The following ZNF829 variants were observed in gnomAD, a reference collection of about 807,000 sequenced individuals.
ZNF829 encodes the protein zinc finger protein 829.
A neutral mutation model predicts 35.2 loss-of-function variants in ZNF829; 25 were observed. The ratio of observed to expected loss-of-function variants is 0.71; its 90% CI spans 0.52 to 0.99. The LOEUF (loss-of-function observed/expected upper bound fraction) is 0.99, where lower values mean the gene tolerates loss of function less well. ZNF829 is among the 50% of genes least tolerant of loss of function. The pLI is 0.00. For synonymous variants in ZNF829, 136 were observed against 163.2 expected (o/e 0.83, Z 1.27); for missense variants, 417 against 515.3 (o/e 0.81, Z 1.85).
intron 2 of ZNF829, 25 bp downstream of exon 2, chr19:36,915,105 G>A: frequency 1.2e-6 from 2 of 1,614,088 alleles, no homozygotes; most frequent in South Asian, 2.2e-5. Flanking sequence ...TCAAGTAAGA[G>A]TTCTTCCCCA....
intron 4 of ZNF829, 60 bp downstream of exon 4, chr19:36,908,273 A>G (rs1362256018): frequency 4.5e-6 from 7 of 1,556,174 alleles, no homozygotes; most frequent in Admixed American, 3.9e-5. Flanking sequence ...ATAATTCACA[A>G]TGGAGAAAGG....
At chr19:36,900,613 T>A (rs1355286897) in intron 5 of ZNF829, among the ~76,000 whole-genome samples, 1 of 151,874 alleles carries the variant, frequency 6.6e-6, no homozygotes, top group Non-Finnish European at 1.5e-5. Flanking sequence ...TTTGGAGGGC[T>A]GAGGCAGGTG....
At chr19:36,893,882 G>T (rs551468488) in intron 5 of ZNF829, among the ~76,000 whole-genome samples, 9 of 152,042 alleles carry the variant, frequency 5.9e-5, no homozygotes, top group Non-Finnish European at 8.8e-5. Flanking sequence ...GTGATATTTG[G>T]TCTCACTTTG....
Position 36,891,319 on chromosome 19 carries a change from A to C in ZNF829, c.*173T>G, listed in dbSNP as rs944653911. The C allele has an allele frequency of 1.7e-6, 1 of 602,078 alleles. No homozygotes were observed. Among genetic ancestry groups the C allele is most frequent in the African/African-American group, 1.9e-5 (1 of 52,400 alleles). 37.3% of individuals were successfully genotyped at this position (602,078 alleles called of 1,614,324 possible). On this transcript the variant is annotated 3_prime_UTR_variant, in exon 6 of 6. Coordinates refer to ENST00000391711, the MANE Select transcript of ZNF829 (RefSeq NM_001037232.4). ...CCAGGCTCTAAACTATGAGAGAATA[A>C]ATTTCTCTTGTTTTAAGCCACCAAG...
At chr19:36,892,810 C>T (rs1378929488) in intron 5 of ZNF829, 1 of 725,418 alleles carries the variant, frequency 1.4e-6, no homozygotes, top group Admixed American at 4.2e-5. Flanking sequence ...TTTTTGCCCC[C>T]ACCCCAGATC....
intron 1 of ZNF829, 61 bp downstream of exon 1, chr19:36,915,950 G>C: frequency 6.5e-7 from 1 of 1,534,328 alleles, no homozygotes; most frequent in Non-Finnish European, 8.7e-7. Context: ...GCCCTTTCCA[G>C]TCATCCCGGA....
rs754780697 is a variant in ZNF829 at position 36,915,893 on chromosome 19, G to A, written c.-85+118C>T. 14 of 1,536,068 alleles carry A rather than the reference G, an allele frequency of 9.1e-6. 2 individuals carry two copies. The highest frequency in any genetic ancestry group is 1.7e-4 in the Middle Eastern group (1 of 5,990). On this transcript the variant is annotated intron_variant, in intron 1 of 5. Transcript: ENST00000391711. Reference sequence around the variant, plus strand: ...ACCTTTCAGGCCGCTCCGCCCGCAGGGGCCCAAGGCGCCAGCTCCCCATCG... The same window carrying A: ...ACCTTTCAGGCCGCTCCGCCCGCAGAGGCCCAAGGCGCCAGCTCCCCATCG...
chr19:36,900,068 G>A (rs935207724), intron 5 of ZNF829, among the ~76,000 whole-genome samples: 1 of 151,676 alleles, frequency 6.6e-6, no homozygotes, highest in African/African-American at 2.4e-5. Context: ...CACTTTGGGA[G>A]GCCAAGGTGG....
chr19:36,903,863 C>T (rs984398167), intron 5 of ZNF829, among the ~76,000 whole-genome samples: 14 of 121,756 alleles, frequency 1.1e-4, no homozygotes, highest in African/African-American at 3.5e-4. Context: ...AAAACTGTCT[C>T]GAAAAAAAAA....
intron 5 of ZNF829, among the ~76,000 whole-genome samples, chr19:36,898,577 A>G (rs769344208): frequency 6.6e-6 from 1 of 152,232 alleles, no homozygotes; most frequent in Admixed American, 6.5e-5. Flanking sequence ...GCGAAAGAAC[A>G]AAAGTGGAAG....
In ZNF829 at chr19:36,916,059, T is replaced by G; in HGVS notation, c.-133A>C. 1 of 934,066 alleles carries G rather than the reference T, an allele frequency of 1.1e-6. No individual in the cohort carries two copies. The highest frequency in any genetic ancestry group is 1.5e-6 in the Non-Finnish European group (1 of 651,184). 57.9% of individuals were successfully genotyped at this position (934,066 alleles called of 1,614,324 possible). A position where few individuals can be genotyped will look rare whatever the true frequency, so the allele number is the denominator to read the frequency against. ...AGGAGTGACGAAACGTTCGAATTCC[T>G]GCGAGAAAAGTGGCAGGCCACCAGG... On this transcript the variant is annotated 5_prime_UTR_variant, in exon 1 of 6. Coordinates refer to ENST00000391711, the MANE Select transcript of ZNF829 (RefSeq NM_001037232.4). The surrounding 1 kb of genome is among the most constrained non-coding windows in gnomAD (Gnocchi z 5.3).
At chr19:36,906,252 T>C (rs2073214334) in intron 5 of ZNF829, 1 of 152,164 alleles carries the variant, frequency 6.6e-6, no homozygotes, top group Non-Finnish European at 1.5e-5. Context: ...AATTAATAAC[T>C]TCTGTTCATC....
At chr19:36,892,585 CA>C in intron 5 of ZNF829, 114 bp from the exon 6 acceptor site, 1 of 1,172,288 alleles carries the variant, frequency 8.5e-7, no homozygotes, top group Non-Finnish European at 1.2e-6. Flanking sequence ...ACACAGTTTT[CA>C]AAGGTGGAGA....
chr19:36,892,899 G>A, intron 5 of ZNF829: 1 of 1,148,504 alleles, frequency 8.7e-7, no homozygotes, highest in Non-Finnish European at 1.1e-6. Context: ...AAGGCCATCA[G>A]CATGCCCAGG....
chr19:36,898,011 A>C (rs1568368795), intron 5 of ZNF829, among the ~76,000 whole-genome samples: 1 of 152,206 alleles, frequency 6.6e-6, no homozygotes, highest in African/African-American at 2.4e-5. Context: ...TTGACTAAAA[A>C]TACAAAAATT....
At position 36,892,028 on chromosome 19, in the gene ZNF829, G is replaced by A. The variant is rs1638460037; in HGVS notation, c.763C>T (p.Leu255Phe). The stretch of plus-strand genomic sequence containing the variant: ...GTGTGAATTCTCTGATGATCATTAA[G>A]GTTTGAGCAATACTTAAAGGCTTTT... ...CGKAFKYCSN[L>F]NDHQRIHTGE... is the part of the protein sequence containing the mutation. The change falls in exon 6 of 6, where the codon CTT becomes TTT. Residue 255 changes from leucine (L) to phenylalanine (F), a missense_variant. By Grantham distance (22) the Leu-to-Phe change is conservative (BLOSUM62 0). Transcript: ENST00000391711. 1 of 1,613,674 alleles carries A rather than the reference G, an allele frequency of 6.2e-7. No individual in the cohort carries two copies. The highest frequency in any genetic ancestry group is 1.3e-5 in the African/African-American group (1 of 74,888).
At chr19:36,900,265 A>C (rs1600734484) in intron 5 of ZNF829, among the ~76,000 whole-genome samples, 1 of 150,918 alleles carries the variant, frequency 6.6e-6, no homozygotes, top group African/African-American at 2.4e-5. Context: ...CATGAGAATC[A>C]CTTGAACCTG....
At chr19:36,892,978 C>A in intron 5 of ZNF829, 1 of 439,746 alleles carries the variant, frequency 2.3e-6, no homozygotes, top group Non-Finnish European at 3.9e-6. Context: ...CCAGGGCATG[C>A]ACCATGCGTG....
chr19:36,913,616 A>C (rs1016197664), intron 3 of ZNF829, among the ~76,000 whole-genome samples: 20 of 152,204 alleles, frequency 1.3e-4, no homozygotes, highest in Admixed American at 3.9e-4. Context: ...AAGACACAGA[A>C]AAGAAGAAGA....
Sources: allele counts gnomAD v4.1 joint callset (sites outside exome capture counted in the v4.1 genomes callset), GRCh38; gene constraint gnomAD v4.1.1; non-coding constraint Gnocchi (gnomAD v3.1); transcripts MANE v1.5; gene names NCBI Gene and HGNC (gene_info 2026-07-23, HGNC 2026-07-21).